The following AFAP1L2 variants were observed in gnomAD, a reference collection of about 807,000 sequenced individuals.
The protein encoded by AFAP1L2 is actin filament-associated protein 1-like 2.
In AFAP1L2, 46 loss-of-function variants were observed where a neutral mutation model predicts 99.3. That is an observed-to-expected ratio of 0.46 (90% CI 0.37 to 0.59). The LOEUF (loss-of-function observed/expected upper bound fraction) is 0.59, where lower values mean the gene tolerates loss of function less well. Ranked by LOEUF, AFAP1L2 falls within the 20% of genes least tolerant of loss-of-function variation. The probability of loss-of-function intolerance (pLI) is 0.00; values close to 1 mark genes in which losing one functional copy is unlikely to be tolerated. For missense variants in AFAP1L2, 959 were observed against 1,034.9 expected, an observed-to-expected ratio of 0.93 and a Z score of 1.01; for synonymous variants, 397 against 419.1, an observed-to-expected ratio of 0.95 and a Z score of 0.64.
intron 2 of AFAP1L2, among the ~76,000 whole-genome samples, chr10:114,338,296 G>A (rs1006066733): frequency 1.3e-5 from 2 of 152,144 alleles, no homozygotes; most frequent in Non-Finnish European, 2.9e-5. Flanking sequence ...GCCTGTTCCC[G>A]CTGGGAGGCA....
chr10:114,298,691 T>TTTAA (rs1392320623), intron 16 of AFAP1L2, among the ~76,000 whole-genome samples: 1 of 152,138 alleles, frequency 6.6e-6, no homozygotes, highest in East Asian at 1.9e-4. Context: ...TCAATATTTT[T>TTTAA]TTAATTTTGA....
At position 114,299,374 on chromosome 10, in the gene AFAP1L2, G is replaced by A. The variant is rs368386004; in HGVS notation, c.1999C>T (p.Arg667Trp). 7.4e-6 allele frequency: 12 copies of A among 1,613,988 alleles called. No individual in the cohort carries two copies. The highest frequency in any genetic ancestry group is 4.5e-5 in the East Asian group (2 of 44,884). Residue 667 changes from arginine (R) to tryptophan (W), a missense_variant, in exon 16 of 19, where the codon CGG becomes TGG. This residue lies in a region of AFAP1L2 where 576 missense variants were observed against 562.1 expected (regional missense o/e 1.02). Coordinates refer to ENST00000304129, the MANE Select transcript of AFAP1L2 (RefSeq NM_001001936.3). ...GKNRTEAEVK[R>W]YTEEKERLEK... Reference sequence around the variant, plus strand: ...AGCCTCTCCTTCTCCTCTGTGTACCGCTTCACCTCAGCTTCTGTCCGATTC... The same window carrying A: ...AGCCTCTCCTTCTCCTCTGTGTACCACTTCACCTCAGCTTCTGTCCGATTC...
chr10:114,360,509 T>TTAGA lies in AFAP1L2; in HGVS notation c.17-19782_17-19779dup, dbSNP rs57811868. 6.7e-3 allele frequency among the ~76,000 whole-genome samples: 723 copies of TTAGA among 107,358 alleles called. 8 individuals carry two copies. The highest frequency in any genetic ancestry group is 0.023 in the African/African-American group (649 of 27,972). 70.4% of individuals were successfully genotyped at this position (107,358 alleles called of 152,430 possible). A position where few individuals can be genotyped will look rare whatever the true frequency, so the allele number is the denominator to read the frequency against. ...TCTAGATAGATAGATAGATAGATAGTTAGATAGATAGATAGATAGATAGAT... is the reference window on the plus strand; with the variant it reads ...TCTAGATAGATAGATAGATAGATAGTTAGATAGATAGATAGATAGATAGATAGAT... On this transcript the variant is annotated intron_variant, in intron 1 of 18. Transcript: ENST00000304129.
the AFAP1L2 span, chr10:114,289,234 A>G: frequency 6.2e-7 from 1 of 1,613,952 alleles, no homozygotes; most frequent in Non-Finnish European, 8.5e-7. Context: ...CAAAGTGATG[A>G]CCGTCCAGAG....
At chr10:114,373,328 A>C (rs1426633450) in intron 1 of AFAP1L2, among the ~76,000 whole-genome samples, 2 of 152,142 alleles carry the variant, frequency 1.3e-5, no homozygotes, top group Non-Finnish European at 2.9e-5. Flanking sequence ...CTTCCTCCCC[A>C]CTTTTTTAAA....
intron 1 of AFAP1L2, among the ~76,000 whole-genome samples, chr10:114,353,353 T>C (rs963835490): frequency 2.6e-5 from 4 of 152,244 alleles, no homozygotes; most frequent in Admixed American, 6.5e-5. Flanking sequence ...CACTCAGTAA[T>C]ATGTGGCCAA....
intron 1 of AFAP1L2, among the ~76,000 whole-genome samples, chr10:114,356,276 G>A (rs183372531): frequency 1.3e-5 from 2 of 152,314 alleles, no homozygotes; most frequent in East Asian, 3.9e-4. Flanking sequence ...TTTATAGTAA[G>A]TGGGATAAAC....
intron 4 of AFAP1L2, among the ~76,000 whole-genome samples, chr10:114,324,997 T>C (rs2046029878): frequency 6.6e-6 from 1 of 152,140 alleles, no homozygotes; most frequent in South Asian, 2.1e-4. Flanking sequence ...GAGTATCCCT[T>C]CCAGCTTCCC....
intron 1 of AFAP1L2, among the ~76,000 whole-genome samples, chr10:114,342,120 T>A (rs1161795761): frequency 1.3e-5 from 2 of 152,202 alleles, no homozygotes; most frequent in Non-Finnish European, 2.9e-5. Context: ...GAGATCTTAT[T>A]GGGAAGCTGC....
At chr10:114,282,391 A>G in the AFAP1L2 span, 2 of 757,096 alleles carry the variant, frequency 2.6e-6, no homozygotes, top group Non-Finnish European at 4.6e-6. Context: ...AAACAAAACC[A>G]GGAAGTCTTT....
At chr10:114,286,351 G>T in the AFAP1L2 span, 2 of 1,613,542 alleles carry the variant, frequency 1.2e-6, no homozygotes, top group South Asian at 2.2e-5. Flanking sequence ...ACGCAAGGGC[G>T]CGAGAGCTGC....
chr10:114,320,291 G>A (rs1425685226), intron 5 of AFAP1L2, among the ~76,000 whole-genome samples: 1 of 152,198 alleles, frequency 6.6e-6, no homozygotes, highest in Non-Finnish European at 1.5e-5. Flanking sequence ...GGAGCGGTGT[G>A]GGGATAGGGC....
intron 5 of AFAP1L2, among the ~76,000 whole-genome samples, chr10:114,320,706 C>T (rs1037181583): frequency 2.6e-5 from 4 of 152,210 alleles, no homozygotes; most frequent in South Asian, 2.1e-4. Flanking sequence ...AACCAAGAAG[C>T]GCTGGCCTTT....
chr10:114,363,063 G>T, intron 1 of AFAP1L2: 1 of 985,394 alleles, frequency 1.0e-6, no homozygotes, highest in South Asian at 4.7e-5. Context: ...CTCCGCTGGG[G>T]TCGGCCCCTC....
chr10:114,383,469 C>T (rs928786764), intron 1 of AFAP1L2, among the ~76,000 whole-genome samples: 1 of 152,060 alleles, frequency 6.6e-6, no homozygotes, highest in African/African-American at 2.4e-5. Context: ...TAACACATCC[C>T]TGATAGATAT....
intron 1 of AFAP1L2, among the ~76,000 whole-genome samples, chr10:114,391,480 A>G (rs2057156067): frequency 1.3e-5 from 2 of 152,198 alleles, no homozygotes; most frequent in African/African-American, 4.8e-5. Flanking sequence ...TCAGCCTCCC[A>G]AAGTGCTGGG....
downstream of AFAP1L2, chr10:114,290,323 T>C: frequency 6.4e-7 from 1 of 1,550,596 alleles, no homozygotes; most frequent in South Asian, 1.2e-5. Flanking sequence ...GAGCTACCGC[T>C]GCAAGTGTCG....
At chr10:114,359,618 T>C (rs1484035127) in intron 1 of AFAP1L2, among the ~76,000 whole-genome samples, 1 of 152,218 alleles carries the variant, frequency 6.6e-6, no homozygotes, top group Non-Finnish European at 1.5e-5. Context: ...TGGCAAATAA[T>C]GTTTTAATCA....
chr10:114,292,801 G>A (rs1432036929), downstream of AFAP1L2, among the ~76,000 whole-genome samples: 1 of 152,028 alleles, frequency 6.6e-6, no homozygotes, highest in African/African-American at 2.4e-5. Context: ...TGCCTCCCAG[G>A]TTGAAGTGAT....
Sources: allele counts gnomAD v4.1 joint callset (sites outside exome capture counted in the v4.1 genomes callset), GRCh38; gene constraint gnomAD v4.1.1; regional missense constraint gnomAD v4.1.1; transcripts MANE v1.5; gene names NCBI Gene and HGNC (gene_info 2026-07-23, HGNC 2026-07-21).